TTC24: variants seen among roughly 807,000 people sequenced by gnomAD.
TTC24 encodes tetratricopeptide repeat domain 24.
TTC24 carries 54 observed loss-of-function variants against 63.3 expected under a neutral mutation model. That is an observed-to-expected ratio of 0.85 (90% CI 0.69 to 1.07). The LOEUF (loss-of-function observed/expected upper bound fraction) is 1.07, where lower values mean the gene tolerates loss of function less well. TTC24 is among the 50% of genes least tolerant of loss of function. TTC24 has a pLI of 0.00. For missense variants in TTC24, 680 were observed against 730.5 expected, an observed-to-expected ratio of 0.93 and a Z score of 0.80; for synonymous variants, 276 against 304.3, an observed-to-expected ratio of 0.91 and a Z score of 0.97.
Position 156,586,046 on chromosome 1 carries a change from G to A in TTC24, c.1667+1G>A, listed in dbSNP as rs576775302. Reference sequence around the variant, plus strand: ...TACCCAATGGCCCTCAAGCCAATAGGTGGGTCCTTGGGGGAAAGAAGGAGG... The same window carrying A: ...TACCCAATGGCCCTCAAGCCAATAGATGGGTCCTTGGGGGAAAGAAGGAGG... On this transcript the variant is annotated splice_donor_variant, in intron 10 of 10. Coordinates refer to ENST00000368236, the MANE Select transcript of TTC24 (RefSeq NM_001105669.4). LOFTEE classifies it high-confidence loss of function. 3.2e-6 allele frequency: 5 copies of A among 1,564,568 alleles called. No homozygotes were observed. The South Asian group carries it at 3.5e-5, about 11-fold the overall frequency.
At chr1:156,584,585 C>T in intron 6 of TTC24, 1 of 330,140 alleles carries the variant, frequency 3.0e-6, no homozygotes, top group Non-Finnish European at 5.5e-6. Flanking sequence ...ACCTGGGTCC[C>T]AGCCAATGTC....
In TTC24 at chr1:156,582,412, C is replaced by G. The variant is rs1677026448; in HGVS notation, c.888C>G (p.His296Gln). The change falls in exon 3 of 11, where the codon CAC becomes CAG. Residue 296 changes from histidine to glutamine, a missense_variant. Physicochemically the swap from His to Gln is conservative, Grantham distance 24. Transcript: ENST00000368236. Reference sequence around the variant, plus strand: ...ACTATCAGGAAGCTCGGGAGTTTCACCAGAAGGCTGCTGACCTACACGGTG... The same window carrying G: ...ACTATCAGGAAGCTCGGGAGTTTCAGCAGAAGGCTGCTGACCTACACGGTG... The part of the protein sequence containing the change: ...LGNYQEAREF[H>Q]QKAADLHGSV... 6.2e-7 allele frequency: 1 copy of G among 1,613,810 alleles called. No individual in the cohort carries two copies. The highest frequency in any genetic ancestry group is 1.3e-5 in the African/African-American group (1 of 74,926).
At chr1:156,585,316 T>G (rs750554768) in intron 8 of TTC24, 85 bp downstream of exon 8, 9 of 1,107,926 alleles carry the variant, frequency 8.1e-6, no homozygotes, top group Non-Finnish European at 1.2e-5. Flanking sequence ...CCTCCGCTTC[T>G]TATGCCCATC....
Position 156,581,391 on chromosome 1 carries a change from G to A in TTC24, c.27G>A (p.Val9=). The A allele has an allele frequency of 1.3e-6, 2 of 1,521,474 alleles. No individual in the cohort carries two copies. Among genetic ancestry groups the A allele is most frequent in the Non-Finnish European group, 1.8e-6 (2 of 1,132,746 alleles). 94.2% of individuals were successfully genotyped at this position (1,521,474 alleles called of 1,614,324 possible). A position where few individuals can be genotyped will look rare whatever the true frequency, so the allele number is the denominator to read the frequency against. ...TGTCTTCCCCCAACCCTGAGGATGT[G>A]CCCCGGAGGCCAGAACCTGAGCCCT... MSSPNPED[V]PRRPEPEPSS... Residue 9 remains valine (V), a synonymous_variant, in exon 2 of 11, where the codon GTG becomes GTA. Coordinates refer to ENST00000368236, the MANE Select transcript of TTC24 (RefSeq NM_001105669.4).
rs371119113 is a variant in TTC24, at chr1:156,585,697, G to A, written c.1457-16G>A. On this transcript the variant is annotated splice_polypyrimidine_tract_variant and intron_variant, in intron 8 of 10. Coordinates refer to ENST00000368236, the MANE Select transcript of TTC24 (RefSeq NM_001105669.4). ...CTTGTTGAGCTGACCTGAATTTACC[G>A]ATGTCTCCTTTTCAGTGTGTTTCCT... The A allele has an allele frequency of 5.7e-6, 9 of 1,584,572 alleles. No individual in the cohort carries two copies. The highest frequency in any genetic ancestry group is 2.2e-5 in the East Asian group (1 of 44,732).
rs1440045906 is a variant in TTC24 at position 156,583,920 on chromosome 1, G to C, written c.1251+25G>C. The C allele has an allele frequency of 1.3e-6, 2 of 1,549,130 alleles. No homozygotes were observed. Among genetic ancestry groups the C allele is most frequent in the South Asian group, 1.2e-5 (1 of 84,342 alleles). On this transcript the variant is annotated intron_variant, in intron 6 of 10. Coordinates refer to ENST00000368236, the MANE Select transcript of TTC24 (RefSeq NM_001105669.4). The surrounding 1 kb of genome is among the most constrained non-coding windows in gnomAD (Gnocchi z 4.0). The stretch of plus-strand genomic sequence containing the variant: ...GGTGAGATGACACCTGAGACAAGGA[G>C]ATGGGGGTGGAGAGAGGTTACCCAG...
In TTC24 at chr1:156,585,787, C is replaced by G. The variant is rs1379375451; in HGVS notation, c.1531C>G (p.Pro511Ala). The change falls in exon 9 of 11, where the codon CCC becomes GCC. Residue 511 changes from proline (P) to alanine (A), a missense_variant. By Grantham distance (27) the Pro-to-Ala change is conservative (BLOSUM62 -1). Transcript: ENST00000368236. ...TTGCCCCACGTTTACCAAGCACACG[C>G]CCTGCAGAGGGACAGTCCTCGGCAA... ...SSCPTFTKHTPCRGTVLGKAS... is the reference protein window; with the variant it reads ...SSCPTFTKHTACRGTVLGKAS... 1.9e-6 allele frequency: 3 copies of G among 1,613,942 alleles called. No individual in the cohort carries two copies.
rs188178074 is a variant in TTC24 at position 156,582,434 on chromosome 1, G to A, written c.910G>A (p.Gly304Ser). Reference protein sequence around the residue: ...EFHQKAADLHGSVGQRWEQGR... With the variant: ...EFHQKAADLHSSVGQRWEQGR... The stretch of plus-strand genomic sequence containing the variant: ...TCACCAGAAGGCTGCTGACCTACAC[G>A]GTGGGTGCCTGGGGCCGGGGAATGG... The change falls in exon 3 of 11, where the codon GGC becomes AGC. Residue 304 changes from glycine to serine, a missense_variant and splice_region_variant. Transcript: ENST00000368236. 9.3e-5 allele frequency: 150 copies of A among 1,613,734 alleles called. No homozygotes were observed. The highest frequency in any genetic ancestry group is 5.0e-4 in the Middle Eastern group (3 of 6,052).
At chr1:156,584,790 A>C in intron 6 of TTC24, 87 bp from the exon 7 acceptor site, 1 of 839,302 alleles carries the variant, frequency 1.2e-6, no homozygotes, top group Non-Finnish European at 1.8e-6. Flanking sequence ...AATTGTCTCT[A>C]TCACATAAGT....
rs553508060 is a variant in TTC24, at chr1:156,582,431, C to T, written c.907C>T (p.His303Tyr). 19 of 1,613,802 alleles carry T rather than the reference C, an allele frequency of 1.2e-5. No individual in the cohort carries two copies. In the Admixed American group the frequency reaches 3.0e-4, roughly 25 times the overall value. ...GTTTCACCAGAAGGCTGCTGACCTA[C>T]ACGGTGGGTGCCTGGGGCCGGGGAA... ...REFHQKAADL[H>Y]GSVGQRWEQG... is the part of the protein sequence containing the mutation. The change falls in exon 3 of 11, where the codon CAC (histidine) becomes TAC (tyrosine). Residue 303 changes from histidine (H) to tyrosine (Y), a missense_variant. Physicochemically the swap from His to Tyr is moderately conservative, Grantham distance 83. Transcript: ENST00000368236.
chr1:156,586,421 T>C lies in TTC24; in HGVS notation c.1668-48T>C, dbSNP rs1419303637. 6.5e-6 allele frequency: 10 copies of C among 1,527,950 alleles called. No individual in the cohort carries two copies. The South Asian group carries it at 1.2e-4, about 18-fold the overall frequency. The allele number at this position is 1,527,950 out of a possible 1,614,324, so 94.6% of individuals were successfully genotyped here. On this transcript the variant is annotated intron_variant, in intron 10 of 10. Coordinates refer to ENST00000368236, the MANE Select transcript of TTC24 (RefSeq NM_001105669.4). ...GAGGCCAAGGCAGGCTGCCTCCTGCTGTCTCCCCAGTCACCCCCACTGGCA... is the reference window on the plus strand; with the variant it reads ...GAGGCCAAGGCAGGCTGCCTCCTGCCGTCTCCCCAGTCACCCCCACTGGCA...
At chr1:156,584,310 T>C (rs1424129065) in intron 6 of TTC24, among the ~76,000 whole-genome samples, 1 of 152,004 alleles carries the variant, frequency 6.6e-6, no homozygotes, top group African/African-American at 2.4e-5. Context: ...TCCTTCCAAG[T>C]CTCTGCTTTA....
chr1:156,583,080 G>A lies in TTC24; in HGVS notation c.949G>A (p.Gly317Ser). ...GCGGTGGGAGCAGGGCCGGAGCTTT[G>A]GCAGCCTGGCCTTTGCATTGAGCCA... ...GQRWEQGRSF[G>S]SLAFALSQLG... Residue 317 changes from glycine (G) to serine (S), a missense_variant, in exon 4 of 11, where the codon GGC becomes AGC. Transcript: ENST00000368236. The surrounding 1 kb of genome is among the most constrained non-coding windows in gnomAD (Gnocchi z 4.0). 1 of 1,613,634 alleles carries A rather than the reference G, an allele frequency of 6.2e-7. No individual in the cohort carries two copies. Among genetic ancestry groups the A allele is most frequent in the Non-Finnish European group, 8.5e-7 (1 of 1,179,782 alleles).
In TTC24 at chr1:156,583,756, C is replaced by G. The variant is rs536663410; in HGVS notation, c.1153-41C>G. On this transcript the variant is annotated intron_variant, in intron 5 of 10. Coordinates refer to ENST00000368236, the MANE Select transcript of TTC24 (RefSeq NM_001105669.4). The surrounding 1 kb of genome is among the most constrained non-coding windows in gnomAD (Gnocchi z 4.0). ...CCCAACCCCCAGAGGACCATAAGGTCCAGGCATTCCCCATTACCCTATTAT... is the reference window on the plus strand; with the variant it reads ...CCCAACCCCCAGAGGACCATAAGGTGCAGGCATTCCCCATTACCCTATTAT... 5 of 1,424,038 alleles carry G rather than the reference C, an allele frequency of 3.5e-6. No individual in the cohort carries two copies. The East Asian group carries it at 7.5e-5, about 21-fold the overall frequency. The allele number at this position is 1,424,038 out of a possible 1,614,324, so 88.2% of individuals were successfully genotyped here.
In TTC24 at chr1:156,587,454, A is replaced by G. The variant is rs552270751; in HGVS notation, c.*904A>G. Among the ~76,000 whole-genome samples, 1 of 152,302 alleles carries G rather than the reference A, an allele frequency of 6.6e-6. No individual in the cohort carries two copies. The highest frequency in any genetic ancestry group is 2.1e-4 in the South Asian group (1 of 4,822). On this transcript the variant is annotated 3_prime_UTR_variant, in exon 11 of 11. Transcript: ENST00000368236. ...CACTTCCCCAGCTAAGCCCTTGCTT[A>G]CCCAGAGTCCATTGTGATTTAATAT... is the stretch of plus-strand genomic sequence containing the variant.
In TTC24 at chr1:156,584,944, C is replaced by G; in HGVS notation, c.1319C>G (p.Ala440Gly). 1 of 1,603,414 alleles carries G rather than the reference C, an allele frequency of 6.2e-7. No homozygotes were observed. The change falls in exon 7 of 11, where the codon GCA becomes GGA. Residue 440 changes from alanine (A) to glycine (G), a missense_variant. Ala to Gly is a moderately conservative substitution (Grantham distance 60). Transcript: ENST00000368236. ...ASQAEGTPAK[A>G]GSSTAGVQHR... ...CAGGCGGAGGGGACCCCAGCAAAGG[C>G]AGGAAGCAGCACAGCAGGTGTCCAG...
At position 156,583,977 on chromosome 1, in the gene TTC24, T is replaced by A; in HGVS notation, c.1251+82T>A. ...GGTTGGTGGTAAGCAGAGACGCTGT[T>A]CCCTGGGATGCTGCGCGCTTGGCCG... On this transcript the variant is annotated intron_variant, in intron 6 of 10. Coordinates refer to ENST00000368236, the MANE Select transcript of TTC24 (RefSeq NM_001105669.4). The surrounding 1 kb of genome is among the most constrained non-coding windows in gnomAD (Gnocchi z 4.0). 8.5e-7 allele frequency: 1 copy of A among 1,170,502 alleles called. No homozygotes were observed. Among genetic ancestry groups the A allele is most frequent in the Non-Finnish European group, 1.2e-6 (1 of 804,212 alleles). 72.5% of individuals were successfully genotyped at this position (1,170,502 alleles called of 1,614,324 possible). A position where few individuals can be genotyped will look rare whatever the true frequency, so the allele number is the denominator to read the frequency against.
intron 8 of TTC24, 131 bp downstream of exon 8, chr1:156,585,362 G>A: frequency 1.3e-6 from 1 of 776,118 alleles, no homozygotes; most frequent in Non-Finnish European, 2.0e-6. Context: ...TTTCTTTGAG[G>A]CCTGGCACAA....
chr1:156,583,067 G>C lies in TTC24; in HGVS notation c.936G>C (p.Gln312His). Reference sequence around the variant, plus strand: ...GCTCTGTGGGGCAGCGGTGGGAGCAGGGCCGGAGCTTTGGCAGCCTGGCCT... The same window carrying C: ...GCTCTGTGGGGCAGCGGTGGGAGCACGGCCGGAGCTTTGGCAGCCTGGCCT... ...LHGSVGQRWE[Q>H]GRSFGSLAFA... Residue 312 changes from glutamine to histidine, a missense_variant, in exon 4 of 11, where the codon CAG becomes CAC. Physicochemically the swap from Gln to His is conservative, Grantham distance 24. Transcript: ENST00000368236. This position sits in a 1 kb window ranked among gnomAD's most constrained non-coding sequence, Gnocchi z 4.0. The C allele has an allele frequency of 6.2e-7, 1 of 1,613,622 alleles. No homozygotes were observed. The highest frequency in any genetic ancestry group is 8.5e-7 in the Non-Finnish European group (1 of 1,179,792).
Sources: gnomAD v4.1 joint callset for allele counts (sites outside exome capture counted in the v4.1 genomes callset) on GRCh38, gnomAD v4.1.1 for gene constraint, Gnocchi (gnomAD v3.1) non-coding constraint, MANE v1.5 for transcripts, NCBI Gene and HGNC (gene_info 2026-07-23, HGNC 2026-07-21) for gene names.